The following SPECC1 variants were observed in gnomAD, a reference collection of about 807,000 sequenced individuals.
The protein encoded by SPECC1 is sperm antigen with calponin homology and coiled-coil domains 1, also known as cytospin-B.
Under a neutral mutation model 104.1 loss-of-function variants are expected in SPECC1, and 62 were observed. The ratio of observed to expected loss-of-function variants is 0.60; its 90% confidence interval spans 0.49 to 0.74. The LOEUF (loss-of-function observed/expected upper bound fraction) is 0.74. Ranked by LOEUF, SPECC1 falls within the 30% of genes least tolerant of loss-of-function variation. The pLI, the probability that SPECC1 is intolerant of heterozygous loss-of-function variation, is 0.00. For synonymous variants in SPECC1, 513 were observed against 501.6 expected (o/e 1.02, Z -0.30); for missense variants, 1,306 against 1,310.5 (o/e 1.00, Z 0.05).
At chr17:20,155,853 C>A (rs2032425910) in intron 3 of SPECC1, 2 of 988,796 alleles carry the variant, frequency 2.0e-6, no homozygotes, top group Non-Finnish European at 1.2e-6. Flanking sequence ...GGCCTTCTGG[C>A]AGCCAAGAAG....
intron 12 of SPECC1, among the ~76,000 whole-genome samples, chr17:20,266,775 G>A (rs2040233408): frequency 6.6e-6 from 1 of 152,208 alleles, no homozygotes; most frequent in Middle Eastern, 3.2e-3. Flanking sequence ...GGTTGGGAAT[G>A]TTGGGTGAAT....
In SPECC1 at chr17:20,317,735, C is replaced by CA. The variant is rs976928370; in HGVS notation, c.*3678dup. ...AGCAAGACCCTGTCACACACACACA[C>CA]AAAAAAAAGAAATACAGGTGGTGTT... On this transcript the variant is annotated 3_prime_UTR_variant, in exon 15 of 15. Coordinates refer to ENST00000395527, the MANE Select transcript of SPECC1 (RefSeq NM_001243439.2). 2.3e-5 allele frequency: 5 copies of CA among 215,930 alleles called. No homozygotes were observed. The highest frequency in any genetic ancestry group is 4.6e-5 in the Non-Finnish European group (5 of 107,588). The allele number at this position is 215,930 out of a possible 1,614,324, so 13.4% of individuals were successfully genotyped here.
chr17:20,011,042 C>G (rs1296438775), intron 1 of SPECC1, among the ~76,000 whole-genome samples: 2 of 152,170 alleles, frequency 1.3e-5, no homozygotes, highest in East Asian at 1.9e-4. Context: ...TTGGATTGTT[C>G]ACATCAATAA....
chr17:20,243,571 G>GAC (rs1027618792), intron 7 of SPECC1, among the ~76,000 whole-genome samples: 11 of 152,036 alleles, frequency 7.2e-5, no homozygotes, highest in Non-Finnish European at 1.6e-4. Flanking sequence ...GAGACACACA[G>GAC]ACACACACAC....
chr17:20,184,641 A>G (rs550274891), intron 3 of SPECC1, among the ~76,000 whole-genome samples: 2 of 152,332 alleles, frequency 1.3e-5, no homozygotes, highest in South Asian at 4.1e-4. Flanking sequence ...ATATTTGTAG[A>G]AACAGGACCT....
intron 3 of SPECC1, among the ~76,000 whole-genome samples, chr17:20,170,036 GA>G (rs2033966202): frequency 6.6e-6 from 1 of 152,206 alleles, no homozygotes; most frequent in Non-Finnish European, 1.5e-5. Flanking sequence ...ACCGTCACAG[GA>G]CAAAAACACT....
chr17:20,291,720 T>C (rs1012763263), intron 12 of SPECC1, among the ~76,000 whole-genome samples: 2 of 152,010 alleles, frequency 1.3e-5, no homozygotes, highest in Non-Finnish European at 2.9e-5. Flanking sequence ...AATTTTTGTA[T>C]TTTTAGTAGA....
chr17:20,220,565 T>G (rs60344454), intron 4 of SPECC1, among the ~76,000 whole-genome samples: 14 of 148,604 alleles, frequency 9.4e-5, no homozygotes, highest in South Asian at 6.2e-4. Flanking sequence ...ATAGTTTTTT[T>G]TTTTTTTTTT....
chr17:20,298,778 C>T (rs1341269556), intron 13 of SPECC1, among the ~76,000 whole-genome samples: 1 of 151,808 alleles, frequency 6.6e-6, no homozygotes, highest in African/African-American at 2.4e-5. Context: ...ATGGGGAGGG[C>T]ATAGATATGT....
At chr17:20,218,197 GAGAA>G (rs2037629978) in intron 4 of SPECC1, among the ~76,000 whole-genome samples, 1 of 152,116 alleles carries the variant, frequency 6.6e-6, no homozygotes, top group Non-Finnish European at 1.5e-5. Context: ...GCAATTGTGA[GAGAA>G]AGAATGACTT....
chr17:20,129,485 G>T (rs1040019507), intron 3 of SPECC1, among the ~76,000 whole-genome samples: 8 of 152,060 alleles, frequency 5.3e-5, no homozygotes, highest in African/African-American at 1.9e-4. Context: ...ACCGCGCCCA[G>T]CCAGATTTCT....
At chr17:20,048,550 G>A (rs1349587838) in intron 1 of SPECC1, among the ~76,000 whole-genome samples, 2 of 152,016 alleles carry the variant, frequency 1.3e-5, no homozygotes, top group Non-Finnish European at 2.9e-5. Context: ...TTTCATTATA[G>A]GTTGAATTTC....
At chr17:20,119,580 C>T (rs957111547) in intron 3 of SPECC1, among the ~76,000 whole-genome samples, 4 of 152,208 alleles carry the variant, frequency 2.6e-5, no homozygotes, top group Non-Finnish European at 5.9e-5. Context: ...TTTTGTAGCA[C>T]CTTTGGACAG....
At chr17:20,228,905 G>A (rs554984461) in intron 5 of SPECC1, among the ~76,000 whole-genome samples, 3 of 152,328 alleles carry the variant, frequency 2.0e-5, no homozygotes, top group Admixed American at 2.0e-4. Context: ...CCATTACTAA[G>A]AATAGCTTGG....
chr17:20,271,486 G>A (rs529126575), intron 12 of SPECC1, among the ~76,000 whole-genome samples: 4 of 152,116 alleles, frequency 2.6e-5, no homozygotes, highest in Non-Finnish European at 4.4e-5. Context: ...TACACAACCT[G>A]TTACTTGCCT....
chr17:20,035,073 A>G (rs1397547016), intron 1 of SPECC1, among the ~76,000 whole-genome samples: 1 of 152,112 alleles, frequency 6.6e-6, no homozygotes, highest in East Asian at 1.9e-4. Context: ...GTGTTTTAAC[A>G]CCTTTGTCAG....
At chr17:20,077,899 T>C (rs1228514530) in intron 1 of SPECC1, among the ~76,000 whole-genome samples, 2 of 152,058 alleles carry the variant, frequency 1.3e-5, no homozygotes, top group Non-Finnish European at 1.5e-5. Flanking sequence ...AGTCTTATTA[T>C]CTGTAAAATG....
intron 3 of SPECC1, among the ~76,000 whole-genome samples, chr17:20,200,573 G>A (rs185626102): frequency 6.6e-6 from 1 of 152,308 alleles, no homozygotes; most frequent in East Asian, 1.9e-4. Context: ...CCCTTATGTG[G>A]TGCTGTGTAA....
At chr17:20,070,182 T>C (rs557920176) in intron 1 of SPECC1, among the ~76,000 whole-genome samples, 1 of 152,230 alleles carries the variant, frequency 6.6e-6, no homozygotes, top group Admixed American at 6.5e-5. Context: ...GAGACACCCT[T>C]GTCTAGTTTC....
Sources: allele counts gnomAD v4.1 joint callset (sites outside exome capture counted in the v4.1 genomes callset), GRCh38; gene constraint gnomAD v4.1.1; transcripts MANE v1.5; gene names NCBI Gene and HGNC (gene_info 2026-07-23, HGNC 2026-07-21).